ZDHHC21: variants seen among roughly 807,000 people sequenced by gnomAD.
The protein encoded by ZDHHC21 is palmitoyltransferase ZDHHC21.
A neutral mutation model predicts 34.6 loss-of-function variants in ZDHHC21; 15 were observed. The observed-to-expected ratio is 0.43, with a 90% confidence interval of 0.29 to 0.67. ZDHHC21 has a LOEUF of 0.67. ZDHHC21 is among the 30% of genes least tolerant of loss of function. The pLI is 0.14. For missense variants in ZDHHC21, 344 were observed against 327.7 expected (o/e 1.05, Z -0.38); for synonymous variants, 142 against 101.8 (o/e 1.40, Z -2.38).
intron 7 of ZDHHC21, among the ~76,000 whole-genome samples, chr9:14,657,905 T>C (rs182473875): frequency 2.0e-5 from 3 of 152,340 alleles, no homozygotes; most frequent in Admixed American, 2.0e-4. Flanking sequence ...TACATTCTTT[T>C]ACATGATCTA....
At chr9:14,684,556 A>T (rs370594166) in intron 2 of ZDHHC21, among the ~76,000 whole-genome samples, 8 of 151,078 alleles carry the variant, frequency 5.3e-5, no homozygotes, top group Non-Finnish European at 7.4e-5. Context: ...TAAAAGAGGA[A>T]ACAAACAAAT....
chr9:14,590,789 T>C, the ZDHHC21 span, among the ~76,000 whole-genome samples: 1 of 152,112 alleles, frequency 6.6e-6, no homozygotes, highest in Non-Finnish European at 1.5e-5. Context: ...ACATGAAAAC[T>C]AGGATCTACA....
chr9:14,674,445 A>T, intron 3 of ZDHHC21, 60 bp from the exon 4 acceptor site: 1 of 1,076,186 alleles, frequency 9.3e-7, no homozygotes, highest in East Asian at 2.9e-5. Flanking sequence ...TAAAACCTGT[A>T]TTTCTGGCAA....
At chr9:14,633,329 T>C (rs1827684941) in intron 8 of ZDHHC21, among the ~76,000 whole-genome samples, 2 of 152,082 alleles carry the variant, frequency 1.3e-5, no homozygotes, top group South Asian at 4.1e-4. Flanking sequence ...GGCTCCCCAG[T>C]GCAGGAAAAG....
intron 7 of ZDHHC21, among the ~76,000 whole-genome samples, chr9:14,647,957 CTTAA>C (rs373256300): frequency 1.5e-4 from 23 of 152,220 alleles, no homozygotes; most frequent in African/African-American, 5.5e-4. Flanking sequence ...TATCTAGCTG[CTTAA>C]TTAACATCTG....
chr9:14,657,472 A>G (rs1200500330), intron 7 of ZDHHC21, among the ~76,000 whole-genome samples: 1 of 150,644 alleles, frequency 6.6e-6, no homozygotes, highest in Admixed American at 6.6e-5. Context: ...GTCTGTTTAC[A>G]AAGACAAGAT....
At chr9:14,591,538 A>T in the ZDHHC21 span, among the ~76,000 whole-genome samples, 4 of 152,294 alleles carry the variant, frequency 2.6e-5, no homozygotes, top group African/African-American at 9.6e-5. Context: ...CAGACATGAG[A>T]CGAATAATAA....
rs1385419324 is a variant in ZDHHC21 at position 14,662,212 on chromosome 9, T to A, written c.365+3A>T. 1 of 1,591,908 alleles carries A rather than the reference T, an allele frequency of 6.3e-7. No homozygotes were observed. Among genetic ancestry groups the A allele is most frequent in the Non-Finnish European group, 8.5e-7 (1 of 1,171,428 alleles). On this transcript the variant is annotated splice_donor_region_variant and intron_variant, in intron 6 of 9. Transcript: ENST00000380916. The stretch of plus-strand genomic sequence containing the variant: ...TTCTTTGCTAGAAGTGAATTATTCT[T>A]ACCATGGACAGTGATGATCCATTCT...
rs1823253070 is a variant in ZDHHC21 at position 14,611,259 on chromosome 9, T to C, written c.*7707A>G. On this transcript the variant is annotated 3_prime_UTR_variant, in exon 10 of 10. Transcript: ENST00000380916. ...CAACATTGTTCTTAAGGTAGATACA[T>C]GGTTTGATTTTCACATTAAGAACCA... 1 of 152,034 alleles carries C rather than the reference T, an allele frequency of 6.6e-6. No homozygotes were observed. The highest frequency in any genetic ancestry group is 2.1e-4 in the South Asian group (1 of 4,836). The allele number at this position is 152,034 out of a possible 1,614,324, so 9.4% of individuals were successfully genotyped here. A position where few individuals can be genotyped will look rare whatever the true frequency, so the allele number is the denominator to read the frequency against.
chr9:14,596,396 AGT>A, the ZDHHC21 span, among the ~76,000 whole-genome samples: 1 of 152,216 alleles, frequency 6.6e-6, no homozygotes, highest in Non-Finnish European at 1.5e-5. Context: ...GCCCTGAAGG[AGT>A]GTGTGTAAGA....
At position 14,618,892 on chromosome 9, in the gene ZDHHC21, C is replaced by G; in HGVS notation, c.*74G>C. 2 of 1,449,146 alleles carry G rather than the reference C, an allele frequency of 1.4e-6. No individual in the cohort carries two copies. The highest frequency in any genetic ancestry group is 2.9e-5 in the African/African-American group (2 of 69,556). 89.8% of individuals were successfully genotyped at this position (1,449,146 alleles called of 1,614,324 possible). A position where few individuals can be genotyped will look rare whatever the true frequency, so the allele number is the denominator to read the frequency against. ...GGATTTTAATTGACTTGAAGACTGT[C>G]ATAGTTCTATTATCATAAAACCTGT... is the stretch of plus-strand genomic sequence containing the variant. On this transcript the variant is annotated 3_prime_UTR_variant, in exon 10 of 10. Transcript: ENST00000380916.
intron 8 of ZDHHC21, among the ~76,000 whole-genome samples, chr9:14,633,913 C>T (rs1392616717): frequency 1.3e-5 from 2 of 152,202 alleles, no homozygotes; most frequent in African/African-American, 4.8e-5. Flanking sequence ...AAACATTTTG[C>T]CTTGGGCCTG....
At chr9:14,645,418 AC>A (rs1180820987) in intron 7 of ZDHHC21, among the ~76,000 whole-genome samples, 1 of 152,056 alleles carries the variant, frequency 6.6e-6, no homozygotes, top group African/African-American at 2.4e-5. Context: ...AAAAACTGAA[AC>A]CCTGACTTCT....
rs769819264 is a variant in ZDHHC21 at position 14,658,464 on chromosome 9, CTTTTTTTTTTT to C, written c.504+274_504+284del. On this transcript the variant is annotated intron_variant, in intron 7 of 9. Transcript: ENST00000380916. ...CTAATGTTAGTGGATATAAACATTT[CTTTTTTTTTTT>C]TTTTTTTTTTTTTTTGAGACGGAGT... 9.2e-5 allele frequency among the ~76,000 whole-genome samples: 6 copies of C among 65,390 alleles called. No homozygotes were observed. In the South Asian group the frequency reaches 2.8e-3, roughly 30 times the overall value. The allele number at this position is 65,390 out of a possible 152,430, so 42.9% of individuals were successfully genotyped here. A position where few individuals can be genotyped will look rare whatever the true frequency, so the allele number is the denominator to read the frequency against.
chr9:14,625,635 A>C lies in ZDHHC21; in HGVS notation c.622-5953T>G, dbSNP rs1451487344. Reference sequence around the variant, plus strand: ...AAATGGCAGTCTTAAGATTTTAGTGATACTGCCTACTACCTACTTTTTGAG... The same window carrying C: ...AAATGGCAGTCTTAAGATTTTAGTGCTACTGCCTACTACCTACTTTTTGAG... On this transcript the variant is annotated intron_variant, in intron 8 of 9. Coordinates refer to ENST00000380916, the MANE Select transcript of ZDHHC21 (RefSeq NM_178566.6). Among the ~76,000 whole-genome samples, 3 of 152,010 alleles carry C rather than the reference A, an allele frequency of 2.0e-5. No individual in the cohort carries two copies. In the East Asian group the frequency reaches 5.8e-4, roughly 29 times the overall value.
intron 8 of ZDHHC21, among the ~76,000 whole-genome samples, chr9:14,620,415 C>A (rs1230641451): frequency 6.6e-6 from 1 of 151,920 alleles, no homozygotes; most frequent in Non-Finnish European, 1.5e-5. Context: ...ACAAATTACA[C>A]AATCTTATTT....
At chr9:14,684,277 T>C (rs202195171) in intron 2 of ZDHHC21, among the ~76,000 whole-genome samples, 41,980 of 151,048 alleles carry the variant, frequency 0.28, 6,233 homozygotes, top group South Asian at 0.39. Context: ...TGTTTGCAGA[T>C]GACATGATTG....
chr9:14,689,616 T>C (rs1838871547), intron 2 of ZDHHC21, among the ~76,000 whole-genome samples: 1 of 152,226 alleles, frequency 6.6e-6, no homozygotes, highest in African/African-American at 2.4e-5. Flanking sequence ...TTAGTAGTAC[T>C]ACACTGCAGT....
chr9:14,592,017 T>C, the ZDHHC21 span, among the ~76,000 whole-genome samples: 1 of 152,154 alleles, frequency 6.6e-6, no homozygotes, highest in Non-Finnish European at 1.5e-5. Context: ...TGCCTTTTTA[T>C]TGAGGTTTTT....
Sources: allele counts gnomAD v4.1 joint callset (sites outside exome capture counted in the v4.1 genomes callset), GRCh38; gene constraint gnomAD v4.1.1; transcripts MANE v1.5; gene names NCBI Gene and HGNC (gene_info 2026-07-23, HGNC 2026-07-21).